Variants in LRP6 observed in about 807,000 individuals in gnomAD.
LRP6 encodes low-density lipoprotein receptor-related protein 6.
Under a neutral mutation model 184.1 loss-of-function variants are expected in LRP6, and 43 were observed. That is an observed-to-expected ratio of 0.23 (90% CI 0.18 to 0.30). The LOEUF (loss-of-function observed/expected upper bound fraction) is 0.30. Ranked by LOEUF, LRP6 falls within the 10% of genes least tolerant of loss-of-function variation. LRP6 has a pLI of 1.00. For missense variants in LRP6, 1,571 were observed against 2,005.3 expected (o/e 0.78, Z 4.14); for synonymous variants, 719 against 684.9 (o/e 1.05, Z -0.78).
intron 19 of LRP6, among the ~76,000 whole-genome samples, chr12:12,128,289 G>T (rs1190056950): frequency 6.6e-6 from 1 of 152,052 alleles, no homozygotes; most frequent in Non-Finnish European, 1.5e-5. Context: ...TACTATTTCT[G>T]ATTATTCTTT....
chr12:12,157,498 A>C (rs1322265775), intron 12 of LRP6, among the ~76,000 whole-genome samples: 1 of 152,204 alleles, frequency 6.6e-6, no homozygotes, highest in African/African-American at 2.4e-5. Context: ...ATGAGAAAAA[A>C]TAAAGGCTTA....
chr12:12,164,950 AAAAAAG>A, intron 8 of LRP6, 123 bp downstream of exon 8: 1 of 516,098 alleles, frequency 1.9e-6, no homozygotes, highest in Non-Finnish European at 3.3e-6. Context: ...AAAAAAAAAA[AAAAAAG>A]GCGGGGGGGC....
intron 15 of LRP6, among the ~76,000 whole-genome samples, chr12:12,140,471 A>G (rs1168225037): frequency 6.6e-6 from 1 of 152,164 alleles, no homozygotes; most frequent in East Asian, 1.9e-4. Context: ...AAAATAAATT[A>G]TCAAAGAAAC....
chr12:12,150,298 G>C (rs976412004), intron 13 of LRP6, among the ~76,000 whole-genome samples: 1 of 152,000 alleles, frequency 6.6e-6, no homozygotes, highest in African/African-American at 2.4e-5. Context: ...AAACCCACTG[G>C]ATTAATAACA....
Position 12,158,971 on chromosome 12 carries a change from G to A in LRP6, c.2649C>T (p.His883=). Residue 883 remains histidine, a synonymous_variant, in exon 12 of 23, where the codon CAC becomes CAT. Coordinates refer to ENST00000261349, the MANE Select transcript of LRP6 (RefSeq NM_002336.3). ...LDYVMDILVF[H]SSRQSGWNEC... Reference sequence around the variant, plus strand: ...CATTCCACCCTGACTGTCGAGATGAGTGAAAGACGAGGATGTCCATCACAT... The same window carrying A: ...CATTCCACCCTGACTGTCGAGATGAATGAAAGACGAGGATGTCCATCACAT... 1 of 1,614,222 alleles carries A rather than the reference G, an allele frequency of 6.2e-7. No individual in the cohort carries two copies. The highest frequency in any genetic ancestry group is 8.5e-7 in the Non-Finnish European group (1 of 1,180,040).
In LRP6 at chr12:12,181,339, G is replaced by T. The variant is rs1330679106; in HGVS notation, c.1077C>A (p.Ile359=). The change falls in exon 6 of 23, where the codon ATC becomes ATA. Residue 359 remains isoleucine, a synonymous_variant. Coordinates refer to ENST00000261349, the MANE Select transcript of LRP6 (RefSeq NM_002336.3). ...CGTAATCTATGGCAATGGCATGACG[G>T]ATGTCTTCTAACTGCAGAACAATGT... is the stretch of plus-strand genomic sequence containing the variant. The part of the protein sequence containing the change: ...FTDIVLQLED[I]RHAIAIDYDP... 6.2e-7 allele frequency: 1 copy of T among 1,613,676 alleles called. No homozygotes were observed. Among genetic ancestry groups the T allele is most frequent in the African/African-American group, 1.3e-5 (1 of 74,900 alleles).
intron 19 of LRP6, among the ~76,000 whole-genome samples, chr12:12,128,039 GAA>G (rs764309935): frequency 2.0e-5 from 3 of 152,134 alleles, no homozygotes; most frequent in Non-Finnish European, 4.4e-5. Flanking sequence ...CTTCAGGAAA[GAA>G]AAGTTTACAT....
chr12:12,149,352 A>G (rs1182215162), intron 13 of LRP6, among the ~76,000 whole-genome samples, 199 bp from the exon 14 acceptor site: 1 of 152,122 alleles, frequency 6.6e-6, no homozygotes, highest in Non-Finnish European at 1.5e-5. Flanking sequence ...TCCTTGGGTT[A>G]TCCTGCTGCT....
chr12:12,257,038 T>C (rs530500757), intron 1 of LRP6, among the ~76,000 whole-genome samples: 1 of 152,270 alleles, frequency 6.6e-6, no homozygotes, highest in African/African-American at 2.4e-5. Flanking sequence ...ATTCCATTTA[T>C]ATGAAATATT....
intron 1 of LRP6, chr12:12,249,081 G>A (rs942286238): frequency 1.4e-5 from 10 of 700,932 alleles, no homozygotes; most frequent in African/African-American, 1.4e-4. Flanking sequence ...GTAGGAGATG[G>A]CAGTTAGCTG....
intron 7 of LRP6, among the ~76,000 whole-genome samples, chr12:12,175,297 G>A (rs1399102280): frequency 6.6e-6 from 1 of 152,108 alleles, no homozygotes; most frequent in Non-Finnish European, 1.5e-5. Context: ...GCTGGGGCAG[G>A]GGTATCACTT....
intron 13 of LRP6, among the ~76,000 whole-genome samples, chr12:12,150,346 T>C (rs912607653): frequency 1.3e-5 from 2 of 152,248 alleles, no homozygotes; most frequent in Non-Finnish European, 2.9e-5. Flanking sequence ...TTGTGTTATA[T>C]GTTTCATATC....
chr12:12,220,058 G>A (rs565006888), intron 2 of LRP6, among the ~76,000 whole-genome samples: 18 of 152,150 alleles, frequency 1.2e-4, no homozygotes, highest in South Asian at 2.1e-4. Context: ...AGGCTGAGGC[G>A]GGCGGATCAC....
chr12:12,246,324 T>C (rs1168141491), intron 1 of LRP6, among the ~76,000 whole-genome samples: 1 of 152,070 alleles, frequency 6.6e-6, no homozygotes, highest in East Asian at 1.9e-4. Flanking sequence ...TATATAATCT[T>C]AATTCATTCC....
chr12:12,141,232 G>C (rs1452809054), intron 15 of LRP6, among the ~76,000 whole-genome samples: 1 of 151,852 alleles, frequency 6.6e-6, no homozygotes, highest in African/African-American at 2.4e-5. Flanking sequence ...AAAAAGGAAA[G>C]AAGGGAGGAA....
intron 2 of LRP6, among the ~76,000 whole-genome samples, chr12:12,240,064 C>G (rs1865024325): frequency 6.6e-6 from 1 of 151,400 alleles, no homozygotes; most frequent in Non-Finnish European, 1.5e-5. Flanking sequence ...AGACACACAC[C>G]ACGAGTTTGT....
At position 12,244,552 on chromosome 12, in the gene LRP6, T is replaced by G. The variant is rs1390963876; in HGVS notation, c.159A>C (p.Ala53=). ...ATIVVGGLED[A]AAVDFVFSHG... ...GACTAAACACAAAGTCCACCGCAGC[T>G]GCATCCTCCAAGCCTCCAACTACAA... The change falls in exon 2 of 23, where the codon GCA becomes GCC. Residue 53 remains alanine (A), a synonymous_variant. Coordinates refer to ENST00000261349, the MANE Select transcript of LRP6 (RefSeq NM_002336.3). 6.2e-7 allele frequency: 1 copy of G among 1,614,238 alleles called. No homozygotes were observed. Among genetic ancestry groups the G allele is most frequent in the Non-Finnish European group, 8.5e-7 (1 of 1,180,042 alleles).
intron 12 of LRP6, among the ~76,000 whole-genome samples, chr12:12,157,604 T>C (rs982170155): frequency 6.6e-6 from 1 of 152,186 alleles, no homozygotes; most frequent in African/African-American, 2.4e-5. Context: ...TTGTGTCCTT[T>C]CTCTTTCACA....
intron 7 of LRP6, among the ~76,000 whole-genome samples, chr12:12,179,262 C>T (rs10845493): frequency 0.1 from 15,511 of 151,986 alleles, 1,047 homozygotes; most frequent in Non-Finnish European, 0.15. Context: ...AGTCTTGTTC[C>T]CACACAGCCC....
Sources: allele counts gnomAD v4.1 joint callset (sites outside exome capture counted in the v4.1 genomes callset), GRCh38; gene constraint gnomAD v4.1.1; transcripts MANE v1.5; gene names NCBI Gene and HGNC (gene_info 2026-07-23, HGNC 2026-07-21).